Variants in GTF2A1 observed in about 807,000 individuals in gnomAD.
GTF2A1 encodes general transcription factor IIA subunit 1, also known as transcription initiation factor IIA subunit 1.
GTF2A1 carries 12 observed loss-of-function variants against 54.1 expected under a neutral mutation model. That is an observed-to-expected ratio of 0.22 (90% confidence interval 0.14 to 0.36). The LOEUF (loss-of-function observed/expected upper bound fraction) is 0.36, where lower values mean the gene tolerates loss of function less well. Among genes scored for constraint, GTF2A1 ranks in the 10% least tolerant of loss-of-function variants. GTF2A1 has a pLI of 1.00. For synonymous variants in GTF2A1, 145 were observed against 152.0 expected (o/e 0.95, Z 0.34); for missense variants, 335 against 442.2 (o/e 0.76, Z 2.17).
At chr14:81,208,520 C>T (rs1893291861) in intron 2 of GTF2A1, among the ~76,000 whole-genome samples, 1 of 152,188 alleles carries the variant, frequency 6.6e-6, no homozygotes, top group Non-Finnish European at 1.5e-5. Flanking sequence ...ACACAGAGTC[C>T]CTACTGGGGC....
chr14:81,186,132 G>A (rs1472087785), intron 7 of GTF2A1, among the ~76,000 whole-genome samples: 1 of 152,294 alleles, frequency 6.6e-6, no homozygotes, highest in East Asian at 1.9e-4. Context: ...GATTACAGGC[G>A]TGAGCCACCA....
chr14:81,184,971 A>C (rs192902003), intron 8 of GTF2A1, among the ~76,000 whole-genome samples: 26 of 152,354 alleles, frequency 1.7e-4, no homozygotes, highest in African/African-American at 5.8e-4. Context: ...CTAGGAATTA[A>C]GAAAATAAGG....
intron 2 of GTF2A1, among the ~76,000 whole-genome samples, chr14:81,211,014 C>A (rs1893352741): frequency 6.6e-6 from 1 of 152,144 alleles, no homozygotes; most frequent in African/African-American, 2.4e-5. Context: ...TTACTAAATT[C>A]TGTGTACTTT....
In GTF2A1 at chr14:81,176,966, A is replaced by G. The variant is rs1401489679; in HGVS notation, c.*3257T>C. ...CTATACAAGGGGTATTTACCCTCTG[A>G]TAAGAATGGTGACATTATTGCTATG... On this transcript the variant is annotated 3_prime_UTR_variant, in exon 9 of 9. Transcript: ENST00000553612. The G allele has an allele frequency of 6.6e-6, 1 of 152,140 alleles. No homozygotes were observed. Among genetic ancestry groups the G allele is most frequent in the Non-Finnish European group, 1.5e-5 (1 of 67,982 alleles). The allele number at this position is 152,140 out of a possible 1,614,324, so 9.4% of individuals were successfully genotyped here. A position where few individuals can be genotyped will look rare whatever the true frequency, so the allele number is the denominator to read the frequency against.
intron 1 of GTF2A1, among the ~76,000 whole-genome samples, chr14:81,219,360 TCTCA>T (rs774545776): frequency 3.9e-5 from 6 of 152,180 alleles, no homozygotes; most frequent in Admixed American, 6.5e-5. Context: ...TCTCAGCAGC[TCTCA>T]CTATTTAAAG....
At chr14:81,180,579 G>T (rs561126674) in intron 8 of GTF2A1, among the ~76,000 whole-genome samples, 2 of 152,072 alleles carry the variant, frequency 1.3e-5, no homozygotes, top group African/African-American at 4.8e-5. Context: ...GATTACAAGC[G>T]TGAGTCACAG....
chr14:81,215,259 C>G (rs1210021444), intron 2 of GTF2A1, among the ~76,000 whole-genome samples: 2 of 152,172 alleles, frequency 1.3e-5, no homozygotes, highest in East Asian at 3.8e-4. Context: ...ATACATAAAG[C>G]ATTTCTGCTG....
rs1555388456 is a variant in GTF2A1 at position 81,176,756 on chromosome 14, GGTGA to G, written c.*3463_*3466del. The G allele has an allele frequency of 6.6e-6, 1 of 151,946 alleles. No individual in the cohort carries two copies. Among genetic ancestry groups the G allele is most frequent in the Non-Finnish European group, 1.5e-5 (1 of 67,940 alleles). 9.4% of individuals were successfully genotyped at this position (151,946 alleles called of 1,614,324 possible). On this transcript the variant is annotated 3_prime_UTR_variant, in exon 9 of 9. Transcript: ENST00000553612. Reference sequence around the variant, plus strand: ...CTGCTATAGCTGATTCTGACAGGTAGGTGAGAGAAAGACATGAAATAAAATGAAA... The same window carrying G: ...CTGCTATAGCTGATTCTGACAGGTAGGAGAAAGACATGAAATAAAATGAAA...
At chr14:81,213,345 T>A (rs972917530) in intron 2 of GTF2A1, among the ~76,000 whole-genome samples, 2 of 152,194 alleles carry the variant, frequency 1.3e-5, no homozygotes, top group Non-Finnish European at 2.9e-5. Context: ...AGATGCTCAT[T>A]CTCTTCGAGA....
At chr14:81,207,143 C>CTACCTACCTACG (rs2099131718) in intron 2 of GTF2A1, among the ~76,000 whole-genome samples, 1 of 15,828 alleles carries the variant, frequency 6.3e-5, no homozygotes, top group African/African-American at 1.7e-4. Context: ...ACCTACGTAC[C>CTACCTACCTACG]TACCTACCTA....
intron 4 of GTF2A1, among the ~76,000 whole-genome samples, chr14:81,197,895 T>C (rs1893024577): frequency 6.6e-6 from 1 of 152,206 alleles, no homozygotes; most frequent in Non-Finnish European, 1.5e-5. Context: ...TATTGCTTCC[T>C]TTCCCACTGT....
At chr14:81,200,629 A>G (rs1480941121) in intron 4 of GTF2A1, among the ~76,000 whole-genome samples, 12 of 148,568 alleles carry the variant, frequency 8.1e-5, no homozygotes, top group Non-Finnish European at 1.8e-4. Context: ...TCCATCTTCA[A>G]AAAAAAAAAA....
At chr14:81,197,930 T>C (rs1893025030) in intron 4 of GTF2A1, among the ~76,000 whole-genome samples, 1 of 152,204 alleles carries the variant, frequency 6.6e-6, no homozygotes, top group Admixed American at 6.5e-5. Context: ...TTCCTTGAGA[T>C]AAAAGTATAA....
intron 2 of GTF2A1, chr14:81,209,956 A>G (rs1249701356): frequency 1.8e-6 from 2 of 1,120,792 alleles, no homozygotes; most frequent in South Asian, 2.6e-5. Context: ...AAGAAGGGAA[A>G]ACAAAACTAT....
In GTF2A1 at chr14:81,192,896, AC is replaced by A. The variant is rs1322100346; in HGVS notation, c.613-58del. On this transcript the variant is annotated intron_variant, in intron 6 of 8. Coordinates refer to ENST00000553612, the MANE Select transcript of GTF2A1 (RefSeq NM_015859.4). Reference sequence around the variant, plus strand: ...TAGTTAAGAGGATCAAGTATGGTACACAGAAATAGAAACAAATGCTTAAGAT... The same window carrying A: ...TAGTTAAGAGGATCAAGTATGGTACAAGAAATAGAAACAAATGCTTAAGAT... The A allele has an allele frequency of 1.1e-5, 10 of 946,468 alleles. No individual in the cohort carries two copies. In the East Asian group the frequency reaches 2.4e-4, roughly 23 times the overall value. The allele number at this position is 946,468 out of a possible 1,614,324, so 58.6% of individuals were successfully genotyped here.
chr14:81,216,446 T>C lies in GTF2A1; in HGVS notation c.99A>G (p.Gly33=), dbSNP rs773098230. Residue 33 remains glycine (G), a synonymous_variant, in exon 2 of 9, where the codon GGA becomes GGG. Coordinates refer to ENST00000553612, the MANE Select transcript of GTF2A1 (RefSeq NM_015859.4). ...NDVRDIFLDD[G]VDEQVLMELK... ...GTTCCATCAGTACTTGTTCATCCAC[T>C]CCATCATCCAGAAAGATGTCTCTCA... The C allele has an allele frequency of 6.6e-7, 1 of 1,518,084 alleles. No homozygotes were observed. The highest frequency in any genetic ancestry group is 1.1e-5 in the South Asian group (1 of 88,938). 94.0% of individuals were successfully genotyped at this position (1,518,084 alleles called of 1,614,324 possible). A position where few individuals can be genotyped will look rare whatever the true frequency, so the allele number is the denominator to read the frequency against.
chr14:81,211,472 G>A (rs568872803), intron 2 of GTF2A1, among the ~76,000 whole-genome samples: 72 of 152,204 alleles, frequency 4.7e-4, no homozygotes, highest in African/African-American at 1.6e-3. Context: ...TTAGCTAAAC[G>A]ACCTTGTCAA....
chr14:81,189,741 C>G (rs1892833013), intron 7 of GTF2A1, among the ~76,000 whole-genome samples: 1 of 151,976 alleles, frequency 6.6e-6, no homozygotes, highest in African/African-American at 2.4e-5. Context: ...AACCTACTGA[C>G]AATATAAATC....
At chr14:81,203,001 C>T (rs972773777) in intron 3 of GTF2A1, among the ~76,000 whole-genome samples, 9 of 152,130 alleles carry the variant, frequency 5.9e-5, no homozygotes, top group African/African-American at 1.9e-4. Context: ...AAATGAGTAA[C>T]TAAATGATAT....
Sources: gnomAD v4.1 joint callset for allele counts (sites outside exome capture counted in the v4.1 genomes callset) on GRCh38, gnomAD v4.1.1 for gene constraint, MANE v1.5 for transcripts, NCBI Gene and HGNC (gene_info 2026-07-23, HGNC 2026-07-21) for gene names.